FAM131B: variants seen among roughly 807,000 people sequenced by gnomAD.
FAM131B encodes family with sequence similarity 131 member B.
A neutral mutation model predicts 42.0 loss-of-function variants in FAM131B; 19 were observed. That is an observed-to-expected ratio of 0.45 (90% confidence interval 0.32 to 0.66). The LOEUF (loss-of-function observed/expected upper bound fraction) is 0.66. FAM131B is among the 30% of genes least tolerant of loss of function. FAM131B has a pLI of 0.05. For missense variants in FAM131B, 370 were observed against 468.4 expected (o/e 0.79, Z 1.94); for synonymous variants, 183 against 177.6 (o/e 1.03, Z -0.24).
At chr7:143,365,685 C>T (rs374283662), upstream of FAM131B, among the ~76,000 whole-genome samples, 1 of 152,154 alleles carries the variant, frequency 6.6e-6, no homozygotes, top group Admixed American at 6.5e-5. Context: ...ACTGCAGCCT[C>T]GAGCTCCTGG....
the FAM131B span, among the ~76,000 whole-genome samples, chr7:143,371,487 G>A: frequency 1.3e-5 from 2 of 151,994 alleles, no homozygotes; most frequent in East Asian, 3.9e-4. Context: ...GGTGGCACAT[G>A]CCTGTGGTCC....
chr7:143,366,964 C>G (rs1278282212), upstream of FAM131B, among the ~76,000 whole-genome samples: 2 of 152,196 alleles, frequency 1.3e-5, no homozygotes, highest in East Asian at 3.8e-4. Context: ...GGACCCCATT[C>G]ATACACAGGG....
At chr7:143,381,774 C>T in the FAM131B span, 1 of 1,572,928 alleles carries the variant, frequency 6.4e-7, no homozygotes. Context: ...CCGCCGCCCC[C>T]GGAAGGTATG....
Position 143,359,256 on chromosome 7 carries a change from C to G in FAM131B, c.268+70G>C, listed in dbSNP as rs1803834353. 1 of 1,276,818 alleles carries G rather than the reference C, an allele frequency of 7.8e-7. No homozygotes were observed. The highest frequency in any genetic ancestry group is 1.2e-5 in the South Asian group (1 of 80,072). The allele number at this position is 1,276,818 out of a possible 1,614,324, so 79.1% of individuals were successfully genotyped here. A position where few individuals can be genotyped will look rare whatever the true frequency, so the allele number is the denominator to read the frequency against. On this transcript the variant is annotated intron_variant, in intron 4 of 6. Coordinates refer to ENST00000443739, the MANE Select transcript of FAM131B (RefSeq NM_001031690.3). The surrounding 1 kb of genome is among the most constrained non-coding windows in gnomAD (Gnocchi z 5.4). ...AGGGTCTTCATCAACCTCGAAGGAG[C>G]AGGGAGACTGAGCCAAGGAGTCTGT... is the stretch of plus-strand genomic sequence containing the variant.
chr7:143,361,163 T>G (rs1803950350), intron 1 of FAM131B: 1 of 152,312 alleles, frequency 6.6e-6, no homozygotes, highest in African/African-American at 2.4e-5. Flanking sequence ...ATTCAGCACA[T>G]CAGCAGGGCT....
the FAM131B span, among the ~76,000 whole-genome samples, chr7:143,370,525 A>T: frequency 0.018 from 2,679 of 152,288 alleles, 99 homozygotes; most frequent in East Asian, 0.16. Flanking sequence ...TGCTGATAAA[A>T]CAGGTTGCAG....
At position 143,362,363 on chromosome 7, in the gene FAM131B, C is replaced by A. The variant is rs1053807282; in HGVS notation, c.28+213G>T. Among the ~76,000 whole-genome samples, 4 of 152,222 alleles carry A rather than the reference C, an allele frequency of 2.6e-5. No homozygotes were observed. Among genetic ancestry groups the A allele is most frequent in the African/African-American group, 9.6e-5 (4 of 41,552 alleles). On this transcript the variant is annotated intron_variant, in intron 1 of 6. Transcript: ENST00000443739. The surrounding 1 kb of genome is among the most constrained non-coding windows in gnomAD (Gnocchi z 7.7). Reference sequence around the variant, plus strand: ...AGGGCGACGGGGAGAAGGAAGCGAGCCGAGCGGGATGGCAGCCCCGGAGGC... The same window carrying A: ...AGGGCGACGGGGAGAAGGAAGCGAGACGAGCGGGATGGCAGCCCCGGAGGC...
rs564786119 is a variant in FAM131B at position 143,354,634 on chromosome 7, G to A, written c.*1916C>T. 6.6e-6 allele frequency: 1 copy of A among 152,316 alleles called. No homozygotes were observed. The highest frequency in any genetic ancestry group is 2.1e-4 in the South Asian group (1 of 4,822). 9.4% of individuals were successfully genotyped at this position (152,316 alleles called of 1,614,324 possible). A position where few individuals can be genotyped will look rare whatever the true frequency, so the allele number is the denominator to read the frequency against. On this transcript the variant is annotated 3_prime_UTR_variant, in exon 7 of 7. Transcript: ENST00000443739. ...CCTGGAAATGAGGTCCTGGGACATGGAGTCAGCACACGTTAGCAAGCACAA... is the reference window on the plus strand; with the variant it reads ...CCTGGAAATGAGGTCCTGGGACATGAAGTCAGCACACGTTAGCAAGCACAA...
chr7:143,367,891 C>T, the FAM131B span, among the ~76,000 whole-genome samples: 25 of 152,212 alleles, frequency 1.6e-4, 1 homozygote, highest in East Asian at 5.8e-4. Flanking sequence ...TCTTTGGTGA[C>T]TGTCATAGAG....
the FAM131B span, among the ~76,000 whole-genome samples, chr7:143,378,482 C>T: frequency 1.9e-3 from 285 of 152,042 alleles, 3 homozygotes; most frequent in African/African-American, 6.5e-3. Flanking sequence ...TGCTGTACTT[C>T]ACACATACTG....
rs1803683098 is a variant in FAM131B, at chr7:143,356,897, C to T, written c.736G>A (p.Gly246Arg). ...DQSLIASPAT[G>R]SYLGPAFDDS... ...TCAAATGCAGGCCCAAGATAGGATCCTGTGGCCGGAGAGGCAATGAGGGAC... is the reference window on the plus strand; with the variant it reads ...TCAAATGCAGGCCCAAGATAGGATCTTGTGGCCGGAGAGGCAATGAGGGAC... Residue 246 changes from glycine (G) to arginine (R), a missense_variant, in exon 7 of 7, where the codon GGA becomes AGA. Gly to Arg is a moderately radical substitution (Grantham distance 125). Transcript: ENST00000443739. This position sits in a 1 kb window ranked among gnomAD's most constrained non-coding sequence, Gnocchi z 4.4. 1.2e-6 allele frequency: 2 copies of T among 1,614,132 alleles called. No homozygotes were observed. Among genetic ancestry groups the T allele is most frequent in the East Asian group, 4.5e-5 (2 of 44,866 alleles).
chr7:143,380,304 G>T, the FAM131B span: 2 of 984,810 alleles, frequency 2.0e-6, no homozygotes, highest in Non-Finnish European at 2.4e-6. The surrounding 1 kb of genome is among the most constrained non-coding windows in gnomAD (Gnocchi z 5.0). Context: ...GGGCTGAGTC[G>T]CAGGCTGAGA....
At position 143,353,841 on chromosome 7, in the gene FAM131B, A is replaced by G. The variant is rs1056360430; in HGVS notation, c.*2709T>C. 1 of 151,948 alleles carries G rather than the reference A, an allele frequency of 6.6e-6. No homozygotes were observed. The highest frequency in any genetic ancestry group is 1.5e-5 in the Non-Finnish European group (1 of 67,986). 9.4% of individuals were successfully genotyped at this position (151,948 alleles called of 1,614,324 possible). A position where few individuals can be genotyped will look rare whatever the true frequency, so the allele number is the denominator to read the frequency against. Reference sequence around the variant, plus strand: ...AGTGGAAGATTTGGATTTTCATTTAATAAAGTCAATTGAAAATGAAAGTGC... The same window carrying G: ...AGTGGAAGATTTGGATTTTCATTTAGTAAAGTCAATTGAAAATGAAAGTGC... On this transcript the variant is annotated 3_prime_UTR_variant, in exon 7 of 7. Coordinates refer to ENST00000443739, the MANE Select transcript of FAM131B (RefSeq NM_001031690.3).
the FAM131B span, chr7:143,381,602 T>C: frequency 6.2e-7 from 1 of 1,611,462 alleles, no homozygotes; most frequent in Non-Finnish European, 8.5e-7. Flanking sequence ...TCCCGCGATC[T>C]CCGTTTCGGT....
At position 143,359,488 on chromosome 7, in the gene FAM131B, G is replaced by T. The variant is rs1803848465; in HGVS notation, c.175-69C>A. On this transcript the variant is annotated intron_variant, in intron 3 of 6. Coordinates refer to ENST00000443739, the MANE Select transcript of FAM131B (RefSeq NM_001031690.3). The surrounding 1 kb of genome is among the most constrained non-coding windows in gnomAD (Gnocchi z 5.4). The stretch of plus-strand genomic sequence containing the variant: ...ACGGGCGTGCTTTATACATGGAGGA[G>T]GTTCATGGTTTCCAGGAAAAAGCAT... 1.6e-6 allele frequency: 2 copies of T among 1,243,182 alleles called. No homozygotes were observed. The highest frequency in any genetic ancestry group is 2.3e-6 in the Non-Finnish European group (2 of 853,444). 77.0% of individuals were successfully genotyped at this position (1,243,182 alleles called of 1,614,324 possible).
chr7:143,380,802 C>T, the FAM131B span: 1 of 982,668 alleles, frequency 1.0e-6, no homozygotes, highest in Non-Finnish European at 1.2e-6. The surrounding 1 kb of genome is among the most constrained non-coding windows in gnomAD (Gnocchi z 5.0). Flanking sequence ...CCCTGGAGCC[C>T]AGCTCCATAC....
intron 5 of FAM131B, among the ~76,000 whole-genome samples, chr7:143,357,909 G>A (rs1422100529): frequency 6.6e-6 from 1 of 152,120 alleles, no homozygotes; most frequent in African/African-American, 2.4e-5. Context: ...GAAAGAGTTA[G>A]GGGTCTTCTG....
the FAM131B span, among the ~76,000 whole-genome samples, chr7:143,371,531 T>C: frequency 6.7e-6 from 1 of 150,180 alleles, no homozygotes; most frequent in African/African-American, 2.5e-5. Context: ...AGAGGATTGC[T>C]TGGGCCTGGG....
Position 143,359,951 on chromosome 7 carries a change from T to C in FAM131B, c.138+89A>G. The C allele has an allele frequency of 4.7e-6, 5 of 1,059,518 alleles. No individual in the cohort carries two copies. Among genetic ancestry groups the C allele is most frequent in the Admixed American group, 1.9e-5 (1 of 51,646 alleles). The allele number at this position is 1,059,518 out of a possible 1,614,324, so 65.6% of individuals were successfully genotyped here. Reference sequence around the variant, plus strand: ...TGTTGTGAGAAATGTTCTGTAGAAGTGTCAGTCTGAAGGAGTGTTTGGGTT... The same window carrying C: ...TGTTGTGAGAAATGTTCTGTAGAAGCGTCAGTCTGAAGGAGTGTTTGGGTT... On this transcript the variant is annotated intron_variant, in intron 2 of 6. Coordinates refer to ENST00000443739, the MANE Select transcript of FAM131B (RefSeq NM_001031690.3). This position sits in a 1 kb window ranked among gnomAD's most constrained non-coding sequence, Gnocchi z 5.4.
Sources: gnomAD v4.1 joint callset for allele counts (sites outside exome capture counted in the v4.1 genomes callset) on GRCh38, gnomAD v4.1.1 for gene constraint, Gnocchi (gnomAD v3.1) non-coding constraint, MANE v1.5 for transcripts, NCBI Gene and HGNC (gene_info 2026-07-23, HGNC 2026-07-21) for gene names.